Variants in OOSP1 observed in about 807,000 individuals in gnomAD.
OOSP1 encodes oocyte secreted protein 1.
A neutral mutation model predicts 5.7 loss-of-function variants in OOSP1; 11 were observed. That is an observed-to-expected ratio of 1.94 (90% confidence interval 1.22 to 3.20). OOSP1 has a LOEUF of 3.20. Among genes scored for constraint, OOSP1 ranks in the 30% most tolerant of loss-of-function variants. OOSP1 has a pLI of 0.00. For missense variants in OOSP1, 83 were observed against 54.1 expected (o/e 1.53, Z -1.67); for synonymous variants, 44 against 20.0 (o/e 2.20, Z -3.20).
intron 3 of OOSP1, among the ~76,000 whole-genome samples, chr11:59,947,336 C>G (rs556410732): frequency 6.6e-6 from 1 of 151,838 alleles, no homozygotes; most frequent in South Asian, 2.1e-4. Flanking sequence ...TTGTTCAGGC[C>G]GATCTTGAAC....
At chr11:59,942,625 G>A (rs1438791471) in intron 1 of OOSP1, among the ~76,000 whole-genome samples, 3 of 152,046 alleles carry the variant, frequency 2.0e-5, no homozygotes, top group Non-Finnish European at 2.9e-5. Context: ...CCTATATATA[G>A]ATTCACTAAA....
At chr11:59,950,727 A>G (rs638574) in intron 4 of OOSP1, among the ~76,000 whole-genome samples, 151,212 of 152,176 alleles carry the variant, frequency 0.99, 75,136 homozygotes, top group Middle Eastern at 1. Flanking sequence ...AAATTGGTTG[A>G]GTCAGCTTTA....
At chr11:59,945,124 A>C (rs73493114) in intron 2 of OOSP1, 45 bp from the exon 3 acceptor site, 1 of 700,190 alleles carries the variant, frequency 1.4e-6, no homozygotes, top group African/African-American at 1.7e-5. Context: ...GTTTCCTGAG[A>C]TACTTGAGAC....
chr11:59,946,791 C>T (rs989682023), intron 3 of OOSP1, among the ~76,000 whole-genome samples: 4 of 150,154 alleles, frequency 2.7e-5, no homozygotes, highest in African/African-American at 9.8e-5. Flanking sequence ...GGGAGAGAGA[C>T]ATCTTAAAAC....
At chr11:59,956,570 T>C (rs1039976700) in intron 4 of OOSP1, among the ~76,000 whole-genome samples, 3 of 152,158 alleles carry the variant, frequency 2.0e-5, no homozygotes, top group African/African-American at 7.2e-5. Context: ...GACTTTTTTT[T>C]CCATTGGTTA....
intron 3 of OOSP1, among the ~76,000 whole-genome samples, chr11:59,945,750 C>CAAAAA (rs67604320): frequency 1.5e-4 from 7 of 45,822 alleles, no homozygotes; most frequent in Admixed American, 1.4e-3. Flanking sequence ...GACTCTGTCT[C>CAAAAA]AAAAAAAAAA....
intron 4 of OOSP1, among the ~76,000 whole-genome samples, chr11:59,956,280 A>T (rs1853993428): frequency 6.6e-6 from 1 of 151,950 alleles, no homozygotes; most frequent in Non-Finnish European, 1.5e-5. Flanking sequence ...CATGATAGCA[A>T]TAGCAGTTTC....
At chr11:59,947,254 C>G (rs919714102) in intron 3 of OOSP1, among the ~76,000 whole-genome samples, 15 of 151,864 alleles carry the variant, frequency 9.9e-5, no homozygotes, top group Admixed American at 2.6e-4. Flanking sequence ...GTATTTTTTC[C>G]TTCTGCTAAC....
chr11:59,953,924 T>C (rs1853964972), intron 4 of OOSP1, among the ~76,000 whole-genome samples: 1 of 152,206 alleles, frequency 6.6e-6, no homozygotes, highest in South Asian at 2.1e-4. Context: ...AATCGGAATA[T>C]GTTCTGAGAA....
chr11:59,942,450 A>G (rs1351702008), intron 1 of OOSP1, among the ~76,000 whole-genome samples: 1 of 152,118 alleles, frequency 6.6e-6, no homozygotes, highest in Admixed American at 6.6e-5. Context: ...CTTCCATAGA[A>G]ATGGAAGGGC....
At chr11:59,948,987 CTT>C (rs1481784169) in intron 4 of OOSP1, 61 of 388,636 alleles carry the variant, frequency 1.6e-4, no homozygotes, top group Non-Finnish European at 2.7e-4. Flanking sequence ...CTGCTCTTAA[CTT>C]TATGAAGTTT....
intron 4 of OOSP1, among the ~76,000 whole-genome samples, chr11:59,949,192 A>G (rs550241748): frequency 2.6e-5 from 4 of 152,292 alleles, no homozygotes; most frequent in Non-Finnish European, 1.5e-5. Flanking sequence ...GTGCCTAATC[A>G]TTCATTTATT....
chr11:59,945,750 C>CAAAAAAA (rs67604320), intron 3 of OOSP1, among the ~76,000 whole-genome samples: 1 of 45,822 alleles, frequency 2.2e-5, no homozygotes, highest in Non-Finnish European at 3.6e-5. Flanking sequence ...GACTCTGTCT[C>CAAAAAAA]AAAAAAAAAA....
exon 5 of OOSP1, chr11:59,957,393 G>C: frequency 2.6e-6 from 1 of 390,278 alleles, no homozygotes; most frequent in Non-Finnish European, 4.5e-6. Flanking sequence ...TCTGTTTAAT[G>C]ATGATACTGG....
intron 4 of OOSP1, among the ~76,000 whole-genome samples, chr11:59,954,581 A>C (rs1203854383): frequency 6.6e-6 from 1 of 152,108 alleles, no homozygotes; most frequent in East Asian, 1.9e-4. Context: ...TAATTATTGA[A>C]ATTGTAGAAG....
intron 4 of OOSP1, among the ~76,000 whole-genome samples, chr11:59,953,389 A>AT (rs940512503): frequency 4.6e-5 from 7 of 151,934 alleles, no homozygotes; most frequent in Non-Finnish European, 1.0e-4. Flanking sequence ...ATATATATAT[A>AT]TTTTTTCTCT....
intron 1 of OOSP1, among the ~76,000 whole-genome samples, chr11:59,942,058 G>A (rs1853833221): frequency 6.6e-6 from 1 of 152,116 alleles, no homozygotes; most frequent in African/African-American, 2.4e-5. Context: ...TCTCCGCTGA[G>A]TTTTCAGTAT....
chr11:59,946,237 G>A (rs73493120), intron 3 of OOSP1, among the ~76,000 whole-genome samples: 2,018 of 152,284 alleles, frequency 0.013, 40 homozygotes, highest in African/African-American at 0.045. Context: ...TCTAGGTTGC[G>A]CACTCCTTAT....
chr11:59,948,795 A>G (rs938055114), intron 4 of OOSP1: 1 of 398,142 alleles, frequency 2.5e-6, no homozygotes, highest in Non-Finnish European at 4.4e-6. Flanking sequence ...TTGAGAGGCA[A>G]TTTGGAATCT....
Sources: gnomAD v4.1 joint callset for allele counts (sites outside exome capture counted in the v4.1 genomes callset) on GRCh38, gnomAD v4.1.1 for gene constraint, MANE v1.5 for transcripts, NCBI Gene and HGNC (gene_info 2026-07-23, HGNC 2026-07-21) for gene names.